Variants in LRRC36 observed in about 807,000 individuals in gnomAD.
LRRC36 encodes leucine rich repeat containing 36.
LRRC36 carries 62 observed loss-of-function variants against 81.1 expected under a neutral mutation model. That is an observed-to-expected ratio of 0.76 (90% CI 0.62 to 0.94). The LOEUF (loss-of-function observed/expected upper bound fraction) is 0.94, where lower values mean the gene tolerates loss of function less well. LRRC36 is among the 40% of genes least tolerant of loss of function. LRRC36 has a pLI of 0.00. For synonymous variants in LRRC36, 334 were observed against 348.6 expected, an observed-to-expected ratio of 0.96 and a Z score of 0.47; for missense variants, 761 against 881.7, an observed-to-expected ratio of 0.86 and a Z score of 1.73.
intron 5 of LRRC36, among the ~76,000 whole-genome samples, chr16:67,361,212 A>G (rs8052791): frequency 0.045 from 6,791 of 152,038 alleles, 501 homozygotes; most frequent in African/African-American, 0.16. Flanking sequence ...TGTATTTTCA[A>G]TAGAGATGGG....
chr16:67,354,484 GC>G (rs1281794276), intron 5 of LRRC36, among the ~76,000 whole-genome samples: 1 of 152,066 alleles, frequency 6.6e-6, no homozygotes, highest in Non-Finnish European at 1.5e-5. Context: ...TACCATGTTG[GC>G]CAGGCTGGTC....
Position 67,378,583 on chromosome 16 carries a change from C to G in LRRC36, c.1807-6C>G, listed in dbSNP as rs764322548. 2 of 1,613,270 alleles carry G rather than the reference C, an allele frequency of 1.2e-6. No homozygotes were observed. The highest frequency in any genetic ancestry group is 1.7e-6 in the Non-Finnish European group (2 of 1,179,512). ...ATGTATTTGTATTTTGTTTTCTAAT[C>G]TAAAGGAAAGTTTGAAGCAAAAACT... On this transcript the variant is annotated splice_polypyrimidine_tract_variant and splice_region_variant and intron_variant, in intron 11 of 13. Transcript: ENST00000329956.
intron 5 of LRRC36, among the ~76,000 whole-genome samples, chr16:67,352,776 C>G (rs1048777773): frequency 1.4e-4 from 21 of 151,860 alleles, no homozygotes; most frequent in Admixed American, 5.2e-4. Flanking sequence ...CTCCTAGGCT[C>G]AAGCCATCCT....
At position 67,370,976 on chromosome 16, in the gene LRRC36, C is replaced by G. The variant is rs1192987124; in HGVS notation, c.1228C>G (p.Pro410Ala). The G allele has an allele frequency of 6.2e-7, 1 of 1,613,796 alleles. No individual in the cohort carries two copies. The highest frequency in any genetic ancestry group is 1.1e-5 in the South Asian group (1 of 91,050). ...TGCCACAACCCATTTCAACAGTGAC[C>G]CTGCTGTACTTGTCAATGTAGAGCA... ...LYATTHFNSD[P>A]AVLVNVEQQL... Residue 410 changes from proline to alanine, a missense_variant, in exon 9 of 14, where the codon CCT (proline) becomes GCT (alanine). Physicochemically the swap from Pro to Ala is conservative, Grantham distance 27 (BLOSUM62 -1). This residue lies in a region of LRRC36 where 139 missense variants were observed against 214.0 expected (regional missense o/e 0.65). Coordinates refer to ENST00000329956, the MANE Select transcript of LRRC36 (RefSeq NM_018296.6).
chr16:67,353,885 T>G (rs752454609), intron 5 of LRRC36, among the ~76,000 whole-genome samples: 1 of 152,198 alleles, frequency 6.6e-6, no homozygotes, highest in African/African-American at 2.4e-5. Flanking sequence ...ATGATACTGC[T>G]TCACAGTCTC....
At chr16:67,364,528 T>C (rs1288222157) in intron 6 of LRRC36, among the ~76,000 whole-genome samples, 2 of 152,208 alleles carry the variant, frequency 1.3e-5, no homozygotes, top group African/African-American at 4.8e-5. Flanking sequence ...TAGACTACCT[T>C]CATCTTTTAA....
chr16:67,355,172 C>T (rs1302149516), intron 5 of LRRC36, among the ~76,000 whole-genome samples: 1 of 152,136 alleles, frequency 6.6e-6, no homozygotes, highest in Non-Finnish European at 1.5e-5. Context: ...TGAAAGACAT[C>T]TTGGTTGCTT....
chr16:67,346,059 G>T (rs781042521), intron 2 of LRRC36, among the ~76,000 whole-genome samples, 197 bp from the exon 3 acceptor site: 1 of 152,188 alleles, frequency 6.6e-6, no homozygotes, highest in Non-Finnish European at 1.5e-5. Context: ...ATTATTTAAC[G>T]TATGGAACAC....
chr16:67,360,604 A>G (rs1209328285), intron 5 of LRRC36, among the ~76,000 whole-genome samples: 1 of 152,220 alleles, frequency 6.6e-6, no homozygotes, highest in Non-Finnish European at 1.5e-5. Flanking sequence ...TTGATAGCTC[A>G]TGTCACTTGC....
At chr16:67,382,292 C>A in intron 13 of LRRC36, 45 bp downstream of exon 13, 1 of 1,282,148 alleles carries the variant, frequency 7.8e-7, no homozygotes, top group Non-Finnish European at 1.1e-6. Context: ...CAGATATTTA[C>A]TCCTTTTATC....
chr16:67,375,435 C>A, intron 10 of LRRC36, 23 bp downstream of exon 10: 1 of 1,551,556 alleles, frequency 6.4e-7, no homozygotes, highest in Non-Finnish European at 8.6e-7. Context: ...ATTCTCTGTC[C>A]TTGGACAGGA....
intron 5 of LRRC36, chr16:67,362,096 A>AAAAAAC (rs933299220): frequency 4.8e-5 from 17 of 353,224 alleles, no homozygotes; most frequent in South Asian, 3.2e-4. Flanking sequence ...TAAAAATTAA[A>AAAAAAC]AAAAACAAAA....
intron 9 of LRRC36, among the ~76,000 whole-genome samples, chr16:67,374,685 C>T (rs747997810): frequency 6.6e-6 from 1 of 151,916 alleles, no homozygotes; most frequent in Non-Finnish European, 1.5e-5. Context: ...CATGAGCCAC[C>T]GGGCCTGGCC....
intron 9 of LRRC36, among the ~76,000 whole-genome samples, chr16:67,374,064 T>G (rs1010432431): frequency 2.8e-4 from 43 of 152,134 alleles, no homozygotes; most frequent in African/African-American, 1.0e-3. Flanking sequence ...GGCACGGTGG[T>G]GCACACCTGT....
chr16:67,367,826 G>A (rs2039469352), intron 8 of LRRC36, among the ~76,000 whole-genome samples: 1 of 152,140 alleles, frequency 6.6e-6, no homozygotes, highest in South Asian at 2.1e-4. Context: ...GCTGAGCCGG[G>A]TGGATCACGA....
Position 67,347,594 on chromosome 16 carries a change from A to G in LRRC36, c.488+3A>G. ...TTTCTTTTAGAGGTGGAAAAAAGGT[A>G]AGAAGATTCTTTACAAAATTTTTAA... is the stretch of plus-strand genomic sequence containing the variant. On this transcript the variant is annotated splice_donor_region_variant and intron_variant, in intron 4 of 13. Transcript: ENST00000329956. The G allele has an allele frequency of 5.0e-6, 8 of 1,605,522 alleles. No homozygotes were observed. Among genetic ancestry groups the G allele is most frequent in the Non-Finnish European group, 6.8e-6 (8 of 1,173,140 alleles).
intron 1 of LRRC36, among the ~76,000 whole-genome samples, chr16:67,337,930 A>C (rs1360387764): frequency 6.6e-6 from 1 of 151,992 alleles, no homozygotes; most frequent in Non-Finnish European, 1.5e-5. Flanking sequence ...TACTAAAAAT[A>C]CAAATTAGCT....
At chr16:67,365,193 C>G (rs1216127979) in intron 6 of LRRC36, 111 bp from the exon 7 acceptor site, 1 of 648,160 alleles carries the variant, frequency 1.5e-6, no homozygotes, top group African/African-American at 1.8e-5. Context: ...CCCTAGCTTG[C>G]AAGGATAGTC....
At position 67,346,435 on chromosome 16, in the gene LRRC36, T is replaced by C; in HGVS notation, c.378T>C (p.Thr126=). ...TCTTTGCTGTATATACACTACAAACTCTGGAGAAATTAGGTAAGACCTTCC... is the reference window on the plus strand; with the variant it reads ...TCTTTGCTGTATATACACTACAAACCCTGGAGAAATTAGGTAAGACCTTCC... ...YRLFAVYTLQ[T]LEKLDDRTVR... is the part of the protein sequence containing the mutation. The change falls in exon 3 of 14, where the codon ACT becomes ACC. Residue 126 remains threonine, a synonymous_variant. Transcript: ENST00000329956. 6.3e-7 allele frequency: 1 copy of C among 1,575,232 alleles called. No individual in the cohort carries two copies. The highest frequency in any genetic ancestry group is 8.7e-7 in the Non-Finnish European group (1 of 1,154,830).
Sources: allele counts gnomAD v4.1 joint callset (sites outside exome capture counted in the v4.1 genomes callset), GRCh38; gene constraint gnomAD v4.1.1; regional missense constraint gnomAD v4.1.1; transcripts MANE v1.5; gene names NCBI Gene and HGNC (gene_info 2026-07-23, HGNC 2026-07-21).